The following SSBP3 variants were observed in gnomAD, a reference collection of about 807,000 sequenced individuals.
SSBP3 encodes the protein single stranded DNA binding protein 3, also known as single-stranded DNA-binding protein 3.
A neutral mutation model predicts 69.6 loss-of-function variants in SSBP3; 5 were observed. The observed-to-expected ratio is 0.07, with a 90% confidence interval of 0.04 to 0.15. SSBP3 has a LOEUF of 0.15. Ranked by LOEUF, SSBP3 falls within the 10% of genes least tolerant of loss-of-function variation. The probability of loss-of-function intolerance (pLI) is 1.00; values close to 1 mark genes in which losing one functional copy is unlikely to be tolerated. For missense variants in SSBP3, 312 were observed against 534.0 expected, an observed-to-expected ratio of 0.58 and a Z score of 4.10; for synonymous variants, 196 against 193.4, an observed-to-expected ratio of 1.01 and a Z score of -0.11.
intron 14 of SSBP3, among the ~76,000 whole-genome samples, chr1:54,230,678 C>T (rs975536764): frequency 2.2e-4 from 34 of 152,174 alleles, no homozygotes; most frequent in African/African-American, 7.7e-4. Flanking sequence ...CATTTCTGTC[C>T]TCCTCCAACG....
At chr1:54,326,705 C>T (rs542080730) in intron 4 of SSBP3, among the ~76,000 whole-genome samples, 5 of 152,326 alleles carry the variant, frequency 3.3e-5, no homozygotes, top group Admixed American at 1.3e-4. Context: ...CCACCCATTG[C>T]CCTTGTCTGC....
At chr1:54,407,749 ATTTTTTTTT>A (rs532968816), upstream of SSBP3, among the ~76,000 whole-genome samples, 910 of 97,536 alleles carry the variant, frequency 9.3e-3, 15 homozygotes, top group African/African-American at 0.035. Context: ...GCCTAGGTTG[ATTTTTTTTT>A]TTTTTTTTTT....
intron 13 of SSBP3, among the ~76,000 whole-genome samples, chr1:54,240,047 G>GTGTGTGTGTGTGTGT (rs1553123140): frequency 7.7e-5 from 6 of 77,804 alleles, no homozygotes; most frequent in African/African-American, 2.7e-4. Flanking sequence ...ATTGTGATGG[G>GTGTGTGTGTGTGTGT]GTGTGTGTGT....
At chr1:54,254,446 G>GA (rs973172690) in intron 7 of SSBP3, among the ~76,000 whole-genome samples, 5 of 152,140 alleles carry the variant, frequency 3.3e-5, no homozygotes, top group East Asian at 1.9e-4. Context: ...ACCCGCACTT[G>GA]AAAAAACAGC....
At chr1:54,342,811 C>G (rs1646631684) in intron 4 of SSBP3, among the ~76,000 whole-genome samples, 1 of 152,120 alleles carries the variant, frequency 6.6e-6, no homozygotes, top group Admixed American at 6.5e-5. Context: ...AGGACCCTTC[C>G]CCGAGTCTCC....
intron 4 of SSBP3, among the ~76,000 whole-genome samples, chr1:54,381,382 CAA>C (rs59809996): frequency 0.11 from 7,161 of 67,612 alleles, 76 homozygotes; most frequent in East Asian, 0.23. Flanking sequence ...TACACCATCT[CAA>C]AAAAAAAAAA....
At chr1:54,301,394 C>T (rs949600030) in intron 4 of SSBP3, among the ~76,000 whole-genome samples, 2 of 152,142 alleles carry the variant, frequency 1.3e-5, no homozygotes, top group African/African-American at 2.4e-5. Flanking sequence ...CTCACTCATC[C>T]GGACTGTGCT....
chr1:54,406,039 C>CCGCCGCCGCCGT, exon 1 of SSBP3: 2 of 1,215,770 alleles, frequency 1.6e-6, no homozygotes, highest in Non-Finnish European at 2.2e-6. Flanking sequence ...CCGAGCCTCG[C>CCGCCGCCGCCGT]CGCCGCCGCC....
intron 4 of SSBP3, among the ~76,000 whole-genome samples, chr1:54,316,137 G>A (rs1048872364): frequency 6.6e-6 from 1 of 151,490 alleles, no homozygotes; most frequent in Admixed American, 6.6e-5. Context: ...AAGGTCAGAA[G>A]ATCAAGACCA....
intron 3 of SSBP3, 105 bp from the exon 4 acceptor site, chr1:54,402,050 C>T: frequency 2.2e-6 from 2 of 901,288 alleles, no homozygotes; most frequent in Non-Finnish European, 1.7e-6. Flanking sequence ...CTCCCAAAGG[C>T]TCAATCCCAC....
intron 4 of SSBP3, among the ~76,000 whole-genome samples, chr1:54,292,886 CT>C (rs1448851638): frequency 6.6e-6 from 1 of 152,064 alleles, no homozygotes; most frequent in East Asian, 1.9e-4. Context: ...TTATCAGCCC[CT>C]CCACGAGGCA....
chr1:54,253,673 G>A (rs1011086898), intron 7 of SSBP3, among the ~76,000 whole-genome samples: 2 of 152,154 alleles, frequency 1.3e-5, no homozygotes, highest in African/African-American at 4.8e-5. Context: ...GGGGGTTTGT[G>A]GTTTTTATAG....
chr1:54,247,739 G>A (rs1452321439), intron 9 of SSBP3, among the ~76,000 whole-genome samples: 1 of 152,144 alleles, frequency 6.6e-6, no homozygotes, highest in Non-Finnish European at 1.5e-5. Flanking sequence ...CGGGGTCTGG[G>A]AGCCACCGCA....
upstream of SSBP3, among the ~76,000 whole-genome samples, chr1:54,407,841 A>G (rs1649886563): frequency 6.6e-6 from 1 of 150,654 alleles, no homozygotes; most frequent in Non-Finnish European, 1.5e-5. Context: ...CCAAACAATT[A>G]AAGGATAGGT....
At chr1:54,227,969 C>T (rs1400458608) in intron 17 of SSBP3, among the ~76,000 whole-genome samples, 1 of 152,196 alleles carries the variant, frequency 6.6e-6, no homozygotes, top group African/African-American at 2.4e-5. Context: ...TGGGGCAATA[C>T]TGCCCCAACT....
At chr1:54,404,359 T>C (rs975246343) in intron 3 of SSBP3, among the ~76,000 whole-genome samples, 4 of 152,220 alleles carry the variant, frequency 2.6e-5, no homozygotes, top group African/African-American at 9.6e-5. Context: ...ACACCACAGA[T>C]GGTTTTGTCG....
In SSBP3 at chr1:54,276,608, CAAAAA is replaced by C. The variant is rs746933473; in HGVS notation, c.366+4825_366+4829del. On this transcript the variant is annotated intron_variant, in intron 5 of 17. Transcript: ENST00000610401. ...TGGGTGACAGAGTGAGACTCTGTCT[CAAAAA>C]AAAAAAAAAAAAAAAAAAAAGGTGT... Among the ~76,000 whole-genome samples, 70 of 35,216 alleles carry C rather than the reference CAAAAA, an allele frequency of 2.0e-3. 2 individuals are homozygous for C. In the South Asian group the frequency reaches 0.039, roughly 20 times the overall value. 23.1% of individuals were successfully genotyped at this position (35,216 alleles called of 152,430 possible).
intron 4 of SSBP3, among the ~76,000 whole-genome samples, chr1:54,397,617 G>A (rs879639550): frequency 3.9e-5 from 6 of 152,146 alleles, no homozygotes; most frequent in Non-Finnish European, 7.3e-5. Flanking sequence ...CAGCCAAGAT[G>A]AAAGGGAACT....
At chr1:54,374,278 A>C (rs1162667988) in intron 4 of SSBP3, among the ~76,000 whole-genome samples, 1 of 152,236 alleles carries the variant, frequency 6.6e-6, no homozygotes, top group Non-Finnish European at 1.5e-5. Context: ...GGTAGCCAGG[A>C]GGCCTGCAGC....
Sources: gnomAD v4.1 joint callset for allele counts (sites outside exome capture counted in the v4.1 genomes callset) on GRCh38, gnomAD v4.1.1 for gene constraint, MANE v1.5 for transcripts, NCBI Gene and HGNC (gene_info 2026-07-23, HGNC 2026-07-21) for gene names.